The following DPEP1 variants were observed in gnomAD, a reference collection of about 807,000 sequenced individuals.
The protein encoded by DPEP1 is dipeptidase 1, also known as beta-lactamase.
In DPEP1, 50 loss-of-function variants were observed where a neutral mutation model predicts 42.3. The observed-to-expected ratio is 1.18, with a 90% CI of 0.94 to 1.50. The LOEUF is 1.50. Among genes scored for constraint, DPEP1 ranks in the 40% most tolerant of loss-of-function variants. DPEP1 has a pLI of 0.00. For synonymous variants in DPEP1, 297 were observed against 234.0 expected (o/e 1.27, Z -2.46); for missense variants, 663 against 553.0 (o/e 1.20, Z -1.99).
chr16:89,615,911 C>G (rs1357364785), intron 1 of DPEP1, among the ~76,000 whole-genome samples: 1 of 152,092 alleles, frequency 6.6e-6, no homozygotes, highest in Non-Finnish European at 1.5e-5. Context: ...TTTCACAGGC[C>G]CATTTCACAG....
chr16:89,615,699 G>A lies in DPEP1; in HGVS notation c.-107+1980G>A, dbSNP rs537019448. ...CCTTGCAGGACCCCGCGAGGCCCCGGTGAACTGGAGCCGGGAACCGGCCCC... is the reference window on the plus strand; with the variant it reads ...CCTTGCAGGACCCCGCGAGGCCCCGATGAACTGGAGCCGGGAACCGGCCCC... On this transcript the variant is annotated intron_variant, in intron 1 of 10. Coordinates refer to ENST00000690203, the MANE Select transcript of DPEP1 (RefSeq NM_001389466.1). Among the ~76,000 whole-genome samples the A allele has an allele frequency of 2.6e-5, 4 of 152,324 alleles. No individual in the cohort carries two copies. In the East Asian group the frequency reaches 7.7e-4, roughly 29 times the overall value.
At chr16:89,636,229 C>G (rs1434600748) in intron 3 of DPEP1, 35 bp from the exon 4 acceptor site, 1 of 1,586,778 alleles carries the variant, frequency 6.3e-7, no homozygotes, top group Non-Finnish European at 8.5e-7. Flanking sequence ...TGAGACCTGG[C>G]TGCATCAGCT....
intron 1 of DPEP1, among the ~76,000 whole-genome samples, chr16:89,617,417 G>A (rs1278200217): frequency 6.6e-6 from 1 of 152,188 alleles, no homozygotes; most frequent in Admixed American, 6.5e-5. Context: ...GCTAACATGA[G>A]CTCTGAGGCT....
In DPEP1 at chr16:89,630,502, C is replaced by G; in HGVS notation, c.92C>G (p.Pro31Arg). Reference sequence around the variant, plus strand: ...GCAGAGAGGATCATGAGGGACTCCCCTGTCATTGATGGGTGAGTGCTCACC... The same window carrying G: ...GCAGAGAGGATCATGAGGGACTCCCGTGTCATTGATGGGTGAGTGCTCACC... ...DEAERIMRDSPVIDGHNDLPW... is the reference protein window; with the variant it reads ...DEAERIMRDSRVIDGHNDLPW... Residue 31 changes from proline (P) to arginine (R), a missense_variant, in exon 2 of 11, where the codon CCT (proline) becomes CGT (arginine). By Grantham distance (103) the Pro-to-Arg change is moderately radical (BLOSUM62 -2). Coordinates refer to ENST00000690203, the MANE Select transcript of DPEP1 (RefSeq NM_001389466.1). The G allele has an allele frequency of 6.3e-7, 1 of 1,585,302 alleles. No individual in the cohort carries two copies. Among genetic ancestry groups the G allele is most frequent in the South Asian group, 1.1e-5 (1 of 90,100 alleles).
At chr16:89,636,729 AG>A (rs778533286) in intron 5 of DPEP1, 46 bp downstream of exon 5, 4 of 1,606,884 alleles carry the variant, frequency 2.5e-6, no homozygotes, top group Non-Finnish European at 3.4e-6. Flanking sequence ...GTCAGGAGGG[AG>A]GGGGCAGACA....
chr16:89,620,566 T>C (rs1388028796), intron 1 of DPEP1: 1 of 152,216 alleles, frequency 6.6e-6, no homozygotes, highest in East Asian at 1.9e-4. Context: ...AGCTGACATG[T>C]GTGAGGCTTT....
intron 1 of DPEP1, among the ~76,000 whole-genome samples, chr16:89,624,051 G>A (rs1436683900): frequency 3.3e-5 from 5 of 152,098 alleles, no homozygotes; most frequent in South Asian, 4.1e-4. Flanking sequence ...AAGGTTTCCC[G>A]CCCAAAGTGC....
rs779570474 is a variant in DPEP1, at chr16:89,637,448, C to A, written c.769-20C>A. On this transcript the variant is annotated intron_variant, in intron 7 of 10. Transcript: ENST00000690203. ...GGCCCTCCCAGCTCTCAGCTTCACC[C>A]TGTCTTCCTTCTTGTGCAGAAACAG... is the stretch of plus-strand genomic sequence containing the variant. 6.2e-7 allele frequency: 1 copy of A among 1,612,846 alleles called. No individual in the cohort carries two copies. The highest frequency in any genetic ancestry group is 8.5e-7 in the Non-Finnish European group (1 of 1,179,974).
In DPEP1 at chr16:89,638,388, G is replaced by GTA; in HGVS notation, c.*166_*167insTA. ...GGGCAGGATGCCTGGGGACAGTTCA[G>GTA]GACACACACACAGTAGGCCCGCAAT... On this transcript the variant is annotated 3_prime_UTR_variant, in exon 11 of 11. Coordinates refer to ENST00000690203, the MANE Select transcript of DPEP1 (RefSeq NM_001389466.1). 1 of 1,405,354 alleles carries GTA rather than the reference G, an allele frequency of 7.1e-7. No individual in the cohort carries two copies. The highest frequency in any genetic ancestry group is 1.7e-5 in the South Asian group (1 of 59,746). 87.1% of individuals were successfully genotyped at this position (1,405,354 alleles called of 1,614,324 possible).
At chr16:89,615,042 GAGA>G (rs1262288076) in intron 1 of DPEP1, among the ~76,000 whole-genome samples, 1 of 152,190 alleles carries the variant, frequency 6.6e-6, no homozygotes, top group East Asian at 1.9e-4. Flanking sequence ...TGACCCCATG[GAGA>G]AGCTCAGTGG....
At chr16:89,636,114 G>C in intron 3 of DPEP1, 74 bp downstream of exon 3, 1 of 1,552,076 alleles carries the variant, frequency 6.4e-7, no homozygotes, top group Middle Eastern at 1.7e-4. Context: ...GGCTACAGTG[G>C]GACCATCCCT....
chr16:89,637,760 G>A (rs112870363), intron 9 of DPEP1, 53 bp downstream of exon 9: 58 of 1,609,498 alleles, frequency 3.6e-5, no homozygotes, highest in East Asian at 1.1e-4. Flanking sequence ...TCATGGCCTC[G>A]TCAGAGGGAT....
chr16:89,622,600 A>G (rs2059458800), intron 1 of DPEP1, among the ~76,000 whole-genome samples: 1 of 152,136 alleles, frequency 6.6e-6, no homozygotes, highest in Non-Finnish European at 1.5e-5. Flanking sequence ...CCTGGCCAAC[A>G]TGGTGAAACC....
At chr16:89,626,014 C>T (rs544549345) in intron 1 of DPEP1, among the ~76,000 whole-genome samples, 29 of 152,324 alleles carry the variant, frequency 1.9e-4, no homozygotes, top group South Asian at 6.2e-4. Context: ...ATGCAGTCCA[C>T]GCGTGGCTTT....
chr16:89,637,836 G>T lies in DPEP1; in HGVS notation c.930G>T (p.Arg310Ser), dbSNP rs1361190519. The T allele has an allele frequency of 2.5e-6, 4 of 1,612,740 alleles. No individual in the cohort carries two copies. In the East Asian group the frequency reaches 6.7e-5, roughly 27 times the overall value. Reference protein sequence around the residue: ...GFGGDFDGVPRVPEGLEDVSK... With the variant: ...GFGGDFDGVPSVPEGLEDVSK... ...CCAGGTTCTCCTGGCCTCAACACAG[G>T]GTCCCTGAGGGGCTGGAGGACGTCT... is the stretch of plus-strand genomic sequence containing the variant. The change falls in exon 10 of 11, where the codon AGG becomes AGT. Residue 310 changes from arginine to serine, a missense_variant and splice_region_variant. Transcript: ENST00000690203.
chr16:89,626,967 T>C (rs2151486987), intron 1 of DPEP1, among the ~76,000 whole-genome samples: 1 of 149,658 alleles, frequency 6.7e-6, no homozygotes. Flanking sequence ...AATAAAAAAT[T>C]AGTCAGACGT....
chr16:89,616,463 G>T (rs941355894), intron 1 of DPEP1, among the ~76,000 whole-genome samples: 1 of 152,122 alleles, frequency 6.6e-6, no homozygotes, highest in South Asian at 2.1e-4. Context: ...TGGAGGAGGG[G>T]GTCGCCAGGA....
chr16:89,637,773 G>C, intron 9 of DPEP1, 63 bp from the exon 10 acceptor site: 1 of 1,612,766 alleles, frequency 6.2e-7, no homozygotes, highest in Non-Finnish European at 8.5e-7. Flanking sequence ...AGAGGGATGA[G>C]GTGGCTGGAG....
rs80182204 is a variant in DPEP1 at position 89,624,936 on chromosome 16, G to C, written c.-106-5369G>C. Among the ~76,000 whole-genome samples, 1,186 of 152,286 alleles carry C rather than the reference G, an allele frequency of 7.8e-3. 15 individuals are homozygous for C. The highest frequency in any genetic ancestry group is 0.027 in the African/African-American group (1,121 of 41,556). Reference sequence around the variant, plus strand: ...CAAAGGCTGAGGTAAACTGGTGTCTGCAGATGAAAGGGTGGCCCGCAGCCA... The same window carrying C: ...CAAAGGCTGAGGTAAACTGGTGTCTCCAGATGAAAGGGTGGCCCGCAGCCA... On this transcript the variant is annotated intron_variant, in intron 1 of 10. Transcript: ENST00000690203.
Sources: gnomAD v4.1 joint callset for allele counts (sites outside exome capture counted in the v4.1 genomes callset) on GRCh38, gnomAD v4.1.1 for gene constraint, MANE v1.5 for transcripts, NCBI Gene and HGNC (gene_info 2026-07-23, HGNC 2026-07-21) for gene names.